Variants in CSMD1 observed in about 807,000 individuals in gnomAD.
CSMD1 encodes the protein CUB and Sushi multiple domains 1.
A neutral mutation model predicts 417.5 loss-of-function variants in CSMD1; 213 were observed. That is an observed-to-expected ratio of 0.51 (90% CI 0.46 to 0.57). The LOEUF (loss-of-function observed/expected upper bound fraction) is 0.57. Ranked by LOEUF, CSMD1 falls within the 20% of genes least tolerant of loss-of-function variation. CSMD1 has a pLI of 0.00. For missense variants in CSMD1, 6,923 were observed against 4,529.7 expected, an observed-to-expected ratio of 1.53 and a Z score of -15.17; for synonymous variants, 2,862 against 1,736.8, an observed-to-expected ratio of 1.65 and a Z score of -16.11.
chr8:3,146,763 G>C (rs751710606), intron 40 of CSMD1, among the ~76,000 whole-genome samples: 2 of 152,206 alleles, frequency 1.3e-5, no homozygotes, highest in African/African-American at 2.4e-5. Context: ...AGCCAGGTAA[G>C]ATGATTTCCA....
chr8:4,091,730 G>T (rs1347716881), intron 3 of CSMD1, among the ~76,000 whole-genome samples: 1 of 152,300 alleles, frequency 6.6e-6, no homozygotes, highest in Middle Eastern at 3.4e-3. Flanking sequence ...CGCTTGGTGT[G>T]CTGGTGTGTA....
At chr8:4,343,522 A>T (rs1001682067) in intron 3 of CSMD1, among the ~76,000 whole-genome samples, 1 of 152,130 alleles carries the variant, frequency 6.6e-6, no homozygotes, top group Admixed American at 6.6e-5. Context: ...TCAAATATCA[A>T]ATTGTACAAG....
chr8:4,408,362 A>G (rs542674260), intron 3 of CSMD1, among the ~76,000 whole-genome samples: 19 of 152,228 alleles, frequency 1.2e-4, no homozygotes, highest in Non-Finnish European at 2.4e-4. Context: ...AGGGCGTATC[A>G]TCCTCTACTG....
chr8:3,665,081 T>C (rs979513659), intron 7 of CSMD1, among the ~76,000 whole-genome samples: 2 of 152,202 alleles, frequency 1.3e-5, no homozygotes, highest in African/African-American at 4.8e-5. Flanking sequence ...GAAACATCCA[T>C]AACCTAAGAG....
At chr8:4,634,212 G>C (rs930984592) in intron 2 of CSMD1, among the ~76,000 whole-genome samples, 1 of 152,008 alleles carries the variant, frequency 6.6e-6, no homozygotes, top group Non-Finnish European at 1.5e-5. Context: ...AATAATCCAA[G>C]ATGATAATAT....
At chr8:4,313,618 T>C (rs558929341) in intron 3 of CSMD1, among the ~76,000 whole-genome samples, 5 of 151,872 alleles carry the variant, frequency 3.3e-5, no homozygotes, top group African/African-American at 1.2e-4. Context: ...GTTTTAAACA[T>C]GCAGATGCCA....
At chr8:4,841,930 A>AAAAAAAAAAACAAAAAAAAAAAAAAAC (rs1192383183) in intron 1 of CSMD1, among the ~76,000 whole-genome samples, 1 of 122,426 alleles carries the variant, frequency 8.2e-6, no homozygotes. Flanking sequence ...AAAAAAAAAA[A>AAAAAAAAAAACAAAAAAAAAAAAAAAC]AAAAAAAAGT....
At chr8:3,165,955 C>T (rs908427801) in intron 37 of CSMD1, among the ~76,000 whole-genome samples, 1 of 152,042 alleles carries the variant, frequency 6.6e-6, no homozygotes, top group African/African-American at 2.4e-5. Context: ...AGGCAGTGAA[C>T]CTTCTGACCT....
intron 5 of CSMD1, among the ~76,000 whole-genome samples, chr8:3,781,000 G>C (rs55866331): frequency 0.15 from 22,593 of 152,184 alleles, 2,352 homozygotes; most frequent in African/African-American, 0.28. Context: ...CATTTTGTGT[G>C]ACTCCTTGGA....
In CSMD1 at chr8:3,488,710, G is replaced by C. The variant is rs116346507; in HGVS notation, c.1448+4913C>G. ...ATCAAGCAAGAACGCTTCCAGATAA[G>C]AGGCCGGGAAAGAAAAGCTAACAAT... On this transcript the variant is annotated intron_variant, in intron 11 of 69. Transcript: ENST00000635120. Among the ~76,000 whole-genome samples, 972 of 152,240 alleles carry C rather than the reference G, an allele frequency of 6.4e-3. 9 individuals carry two copies. Among genetic ancestry groups the C allele is most frequent in the African/African-American group, 0.021 (887 of 41,542 alleles).
chr8:4,227,922 C>T (rs550054702), intron 3 of CSMD1, among the ~76,000 whole-genome samples: 1 of 151,256 alleles, frequency 6.6e-6, no homozygotes, highest in East Asian at 2.0e-4. Flanking sequence ...CACATTAAAT[C>T]CCACACCTAG....
At chr8:4,308,758 C>T (rs1361022660) in intron 3 of CSMD1, among the ~76,000 whole-genome samples, 2 of 152,094 alleles carry the variant, frequency 1.3e-5, no homozygotes, top group African/African-American at 2.4e-5. Context: ...GCTGTTTGAG[C>T]GTGATGACTA....
At chr8:4,450,945 T>C (rs933508402) in intron 2 of CSMD1, among the ~76,000 whole-genome samples, 2 of 152,008 alleles carry the variant, frequency 1.3e-5, no homozygotes, top group Non-Finnish European at 2.9e-5. Flanking sequence ...AAAGAACCCA[T>C]ACAACTAAGA....
intron 5 of CSMD1, among the ~76,000 whole-genome samples, chr8:3,986,413 A>G (rs1007380033): frequency 6.6e-6 from 1 of 152,134 alleles, no homozygotes; most frequent in African/African-American, 2.4e-5. Context: ...TCACTGTTGA[A>G]TACGTTTCCA....
intron 5 of CSMD1, among the ~76,000 whole-genome samples, chr8:3,776,612 T>A (rs868147523): frequency 6.6e-6 from 1 of 152,066 alleles, no homozygotes; most frequent in African/African-American, 2.4e-5. Context: ...CTCATTGACA[T>A]TGTAGACTCC....
At chr8:3,524,734 G>A (rs577747623) in intron 10 of CSMD1, among the ~76,000 whole-genome samples, 23 of 145,704 alleles carry the variant, frequency 1.6e-4, no homozygotes, top group Non-Finnish European at 3.0e-4. Flanking sequence ...ACACACACAT[G>A]CACACCGAGA....
chr8:3,930,870 T>C (rs775836495), intron 5 of CSMD1, among the ~76,000 whole-genome samples: 9 of 150,770 alleles, frequency 6.0e-5, no homozygotes, highest in African/African-American at 1.5e-4. Flanking sequence ...ACTTACATTT[T>C]AGTCTAGTTT....
chr8:4,295,679 AT>A (rs1563406695), intron 3 of CSMD1, among the ~76,000 whole-genome samples: 241 of 143,786 alleles, frequency 1.7e-3, no homozygotes, highest in Middle Eastern at 7.8e-3. Flanking sequence ...CATATGTTAT[AT>A]TATACATGTT....
At chr8:4,274,311 C>T (rs553231657) in intron 3 of CSMD1, among the ~76,000 whole-genome samples, 3 of 152,246 alleles carry the variant, frequency 2.0e-5, no homozygotes, top group South Asian at 2.1e-4. Context: ...ACCCAACTGG[C>T]ATACGTGGGG....
Sources: gnomAD v4.1 joint callset for allele counts (sites outside exome capture counted in the v4.1 genomes callset) on GRCh38, gnomAD v4.1.1 for gene constraint, MANE v1.5 for transcripts, NCBI Gene and HGNC (gene_info 2026-07-23, HGNC 2026-07-21) for gene names.